The following TSEN34 variants were observed in gnomAD, a reference collection of about 807,000 sequenced individuals.
The protein encoded by TSEN34 is tRNA splicing endonuclease subunit 34, also known as tRNA-splicing endonuclease subunit Sen34.
Under a neutral mutation model 30.2 loss-of-function variants are expected in TSEN34, and 25 were observed. The ratio of observed to expected loss-of-function variants is 0.83; its 90% CI spans 0.60 to 1.16. The LOEUF is 1.16. Among genes scored for constraint, TSEN34 ranks in the 50% most tolerant of loss-of-function variants. The pLI is 0.00. For missense variants in TSEN34, 475 were observed against 411.9 expected (o/e 1.15, Z -1.33); for synonymous variants, 209 against 177.4 (o/e 1.18, Z -1.41).
chr19:54,191,495 C>CG lies in TSEN34; in HGVS notation c.132dup (p.Arg45AlafsTer59). The stretch of plus-strand genomic sequence containing the variant: ...CTGCCCCGCGGGCCCCGCCAGAACT[C>CG]GCGCCTGGGCCTCCCGCTGCTGCTG... On this transcript the variant is annotated frameshift_variant, in exon 1 of 4. Transcript: ENST00000396388. LOFTEE classifies it high-confidence loss of function. 1 of 1,570,040 alleles carries CG rather than the reference C, an allele frequency of 6.4e-7. No homozygotes were observed. Among genetic ancestry groups the CG allele is most frequent in the South Asian group, 1.1e-5 (1 of 87,860 alleles).
In TSEN34 at chr19:54,191,723, C is replaced by A. The variant is rs201681934; in HGVS notation, c.246C>A (p.Ala82=). ...PRPDSRHHSL[A]LTSFKRQQEE... Reference sequence around the variant, plus strand: ...TTCCAGCGAAGTGTGCTTCTCAGGCCCTGACATCCTTCAAGCGCCAGCAAG... The same window carrying A: ...TTCCAGCGAAGTGTGCTTCTCAGGCACTGACATCCTTCAAGCGCCAGCAAG... The change falls in exon 2 of 4, where the codon GCC becomes GCA. Residue 82 remains alanine (A), a splice_region_variant and synonymous_variant. Transcript: ENST00000396388. The A allele has an allele frequency of 1.1e-5, 18 of 1,613,836 alleles. No homozygotes were observed. The highest frequency in any genetic ancestry group is 1.6e-4 in the Middle Eastern group (1 of 6,084).
In TSEN34 at chr19:54,192,915, G is replaced by A. The variant is rs367754997; in HGVS notation, c.746-260G>A. Among the ~76,000 whole-genome samples, 247 of 149,336 alleles carry A rather than the reference G, an allele frequency of 1.7e-3. 1 individual carries two copies. Among genetic ancestry groups the A allele is most frequent in the African/African-American group, 5.6e-3 (227 of 40,648 alleles). On this transcript the variant is annotated intron_variant, in intron 3 of 3. Coordinates refer to ENST00000396388, the MANE Select transcript of TSEN34 (RefSeq NM_001077446.4). ...AGCTACTCGGGAGGCTGAAGCAGGA[G>A]AATCATGTGAACCCAGGGGGCAGAG...
At position 54,193,992 on chromosome 19, in the gene TSEN34, A is replaced by C; in HGVS notation, c.*630A>C. 1 of 333,974 alleles carries C rather than the reference A, an allele frequency of 3.0e-6. No homozygotes were observed. The highest frequency in any genetic ancestry group is 5.5e-6 in the Non-Finnish European group (1 of 181,700). The allele number at this position is 333,974 out of a possible 1,614,324, so 20.7% of individuals were successfully genotyped here. A position where few individuals can be genotyped will look rare whatever the true frequency, so the allele number is the denominator to read the frequency against. On this transcript the variant is annotated 3_prime_UTR_variant, in exon 4 of 4. Transcript: ENST00000396388. The stretch of plus-strand genomic sequence containing the variant: ...CAAGGCAGGGGGATCGCTTGAGCCC[A>C]GGAGTTTGAGACCAGCTCTGGCAAC...
upstream of TSEN34, chr19:54,190,565 G>T (rs1029563115): frequency 8.0e-7 from 1 of 1,251,306 alleles, no homozygotes; most frequent in Non-Finnish European, 1.0e-6. Context: ...GCGCTCGGAG[G>T]GGGCGGGGCC....
chr19:54,189,998 A>G (rs1182282525), upstream of TSEN34: 2 of 477,554 alleles, frequency 4.2e-6, no homozygotes, highest in Non-Finnish European at 7.5e-6. Context: ...TGATAGGCGG[A>G]GTCAACAGGT....
At position 54,191,478 on chromosome 19, in the gene TSEN34, C is replaced by A; in HGVS notation, c.114C>A (p.Arg38=). 1 of 1,553,102 alleles carries A rather than the reference C, an allele frequency of 6.4e-7. No individual in the cohort carries two copies. The highest frequency in any genetic ancestry group is 2.4e-5 in the East Asian group (1 of 41,408). ...GCCGCACGGTAGGCGCCCTGCCCCG[C>A]GGGCCCCGCCAGAACTCGCGCCTGG... ...VGGRTVGALP[R]GPRQNSRLGL... Residue 38 remains arginine (R), a synonymous_variant, in exon 1 of 4, where the codon CGC becomes CGA. Transcript: ENST00000396388.
In TSEN34 at chr19:54,193,997, T is replaced by C. The variant is rs2076803160; in HGVS notation, c.*635T>C. On this transcript the variant is annotated 3_prime_UTR_variant, in exon 4 of 4. Coordinates refer to ENST00000396388, the MANE Select transcript of TSEN34 (RefSeq NM_001077446.4). ...CAGGGGGATCGCTTGAGCCCAGGAG[T>C]TTGAGACCAGCTCTGGCAACATTGT... is the stretch of plus-strand genomic sequence containing the variant. 3.1e-6 allele frequency: 1 copy of C among 319,900 alleles called. No individual in the cohort carries two copies. The highest frequency in any genetic ancestry group is 5.8e-6 in the Non-Finnish European group (1 of 173,490). 19.8% of individuals were successfully genotyped at this position (319,900 alleles called of 1,614,324 possible).
At position 54,192,349 on chromosome 19, in the gene TSEN34, G is replaced by T. The variant is rs1459924515; in HGVS notation, c.721G>T (p.Gly241Ter). ...GFFLSAAGKF[G>*]GDFLVYPGDP... ...CTTCCTCAGTGCGGCTGGCAAGTTC[G>T]GAGGTGACTTCCTGGTCTATCCTGG... Residue 241 changes from glycine to a stop codon, truncating the protein, a stop_gained, in exon 3 of 4, where the codon GGA (glycine) becomes TGA (stop). Coordinates refer to ENST00000396388, the MANE Select transcript of TSEN34 (RefSeq NM_001077446.4). LOFTEE classifies it high-confidence loss of function. 6.2e-7 allele frequency: 1 copy of T among 1,614,090 alleles called. No individual in the cohort carries two copies. The highest frequency in any genetic ancestry group is 8.5e-7 in the Non-Finnish European group (1 of 1,180,054).
At position 54,193,249 on chromosome 19, in the gene TSEN34, C is replaced by T. The variant is rs1204938036; in HGVS notation, c.820C>T (p.Leu274=). Residue 274 remains leucine, a synonymous_variant, in exon 4 of 4, where the codon CTG becomes TTG. Transcript: ENST00000396388. ...APEDTIPLQD[L]VAAGRLGTSV... ...TGAGGACACCATCCCACTCCAAGAC[C>T]TGGTTGCTGCTGGGCGCCTTGGAAC... is the stretch of plus-strand genomic sequence containing the variant. The T allele has an allele frequency of 6.2e-7, 1 of 1,614,122 alleles. No homozygotes were observed. The highest frequency in any genetic ancestry group is 8.5e-7 in the Non-Finnish European group (1 of 1,180,022).
intron 3 of TSEN34, 25 bp downstream of exon 3, chr19:54,192,398 T>A (rs1293630342): frequency 1.2e-6 from 2 of 1,613,822 alleles, no homozygotes; most frequent in South Asian, 2.2e-5. Context: ...GGGCCTCTGG[T>A]TGCTGTGCCT....
chr19:54,190,441 C>G, upstream of TSEN34: 1 of 1,435,568 alleles, frequency 7.0e-7, no homozygotes, highest in South Asian at 1.4e-5. Context: ...ACTGAGCGCT[C>G]CCAATTGGGG....
upstream of TSEN34, chr19:54,190,131 C>G: frequency 1.8e-6 from 1 of 549,936 alleles, no homozygotes; most frequent in Non-Finnish European, 3.2e-6. Flanking sequence ...TCCTCAAGTT[C>G]CCAAGTAGAG....
intron 1 of TSEN34, 35 bp from the exon 2 acceptor site, chr19:54,191,686 T>G: frequency 3.1e-6 from 5 of 1,613,298 alleles, no homozygotes; most frequent in Non-Finnish European, 4.2e-6. Flanking sequence ...GAAGGGACCA[T>G]AAGCTTGGAG....
chr19:54,191,307 C>T (rs2147074695), upstream of TSEN34: 2 of 1,546,488 alleles, frequency 1.3e-6, no homozygotes, highest in Non-Finnish European at 1.7e-6. Flanking sequence ...TGCGCTGCAG[C>T]GGTCCGCGGC....
Position 54,193,582 on chromosome 19 carries a change from C to T in TSEN34, c.*220C>T, listed in dbSNP as rs1174125015. ...ACCTATTTTCACACTGTGAGCTTCC[C>T]GAGAATGGGGCCTGGGTTTGATTCA... On this transcript the variant is annotated 3_prime_UTR_variant, in exon 4 of 4. Coordinates refer to ENST00000396388, the MANE Select transcript of TSEN34 (RefSeq NM_001077446.4). 6 of 1,488,770 alleles carry T rather than the reference C, an allele frequency of 4.0e-6. No homozygotes were observed. Among genetic ancestry groups the T allele is most frequent in the Admixed American group, 3.9e-5 (2 of 50,872 alleles). The allele number at this position is 1,488,770 out of a possible 1,614,324, so 92.2% of individuals were successfully genotyped here. A position where few individuals can be genotyped will look rare whatever the true frequency, so the allele number is the denominator to read the frequency against.
At chr19:54,191,083 C>T (rs957249114), upstream of TSEN34, 39 of 1,306,184 alleles carry the variant, frequency 3.0e-5, no homozygotes, top group Non-Finnish European at 3.6e-5. Flanking sequence ...ACCGCAGGGT[C>T]ACAAGGGTAG....
intron 3 of TSEN34, 107 bp from the exon 4 acceptor site, chr19:54,193,068 C>T: frequency 6.6e-7 from 1 of 1,506,072 alleles, no homozygotes; most frequent in Non-Finnish European, 9.0e-7. Flanking sequence ...TTTAGAGTAT[C>T]TATAGTGATG....
upstream of TSEN34, chr19:54,190,708 C>T: frequency 1.6e-6 from 2 of 1,235,114 alleles, no homozygotes; most frequent in Non-Finnish European, 2.0e-6. Context: ...GAGAAGGGGG[C>T]GGGGCTGCGG....
upstream of TSEN34, chr19:54,190,596 G>A (rs543095154): frequency 1.8e-5 from 22 of 1,251,720 alleles, no homozygotes; most frequent in African/African-American, 2.8e-4. Context: ...AGGCTGCCGG[G>A]AGCCGATGAC....
Sources: gnomAD v4.1 joint callset for allele counts (sites outside exome capture counted in the v4.1 genomes callset) on GRCh38, gnomAD v4.1.1 for gene constraint, MANE v1.5 for transcripts, NCBI Gene and HGNC (gene_info 2026-07-23, HGNC 2026-07-21) for gene names.